The following GLRA2 variants were observed in gnomAD, a reference collection of about 807,000 sequenced individuals.
GLRA2 encodes the protein glycine receptor subunit alpha-2.
Under a neutral mutation model 31.6 loss-of-function variants are expected in GLRA2, and 11 were observed. The observed-to-expected ratio is 0.35, with a 90% confidence interval of 0.22 to 0.58. GLRA2 has a LOEUF of 0.58. GLRA2 is among the 20% of genes least tolerant of loss of function. GLRA2 has a pLI of 0.84. For missense variants in GLRA2, 212 were observed against 351.8 expected (o/e 0.60, Z 3.18); for synonymous variants, 132 against 134.0 (o/e 0.99, Z 0.10).
chrX:14,564,172 C>T (rs937221474), intron 2 of GLRA2, among the ~76,000 whole-genome samples: 6 of 110,854 alleles, frequency 5.4e-5, no homozygotes, highest in East Asian at 2.8e-4. Flanking sequence ...ATCAAACTGT[C>T]GAAAGCCAAA....
At chrX:14,487,021 C>A in the GLRA2 span, among the ~76,000 whole-genome samples, 1 of 110,138 alleles carries the variant, frequency 9.1e-6, no homozygotes. Flanking sequence ...GAGGTTTGGA[C>A]AGTAGTCTCT....
chrX:14,516,668 G>T, the GLRA2 span, among the ~76,000 whole-genome samples: 1 of 111,460 alleles, frequency 9.0e-6, no homozygotes, highest in African/African-American at 3.3e-5. Context: ...TGACTCCCAA[G>T]GCTAGGTCAT....
intron 7 of GLRA2, among the ~76,000 whole-genome samples, chrX:14,686,433 T>C (rs922377488): frequency 9.0e-6 from 1 of 111,306 alleles, no homozygotes; most frequent in Non-Finnish European, 1.9e-5. Flanking sequence ...CTCCCATTAT[T>C]ATTGTGTGGG....
intron 2 of GLRA2, among the ~76,000 whole-genome samples, chrX:14,545,988 C>A (rs1463034024): frequency 2.7e-5 from 3 of 111,436 alleles, no homozygotes; most frequent in Non-Finnish European, 5.7e-5. Flanking sequence ...GAAGCCCTGG[C>A]ACTGAAAATT....
intron 2 of GLRA2, among the ~76,000 whole-genome samples, chrX:14,557,357 C>G (rs1270630441): frequency 9.1e-6 from 1 of 110,106 alleles, no homozygotes; most frequent in East Asian, 2.8e-4. Context: ...CCTCGTGATC[C>G]GCCCGCCTCG....
chrX:14,554,749 A>G (rs936211142), intron 2 of GLRA2, among the ~76,000 whole-genome samples: 1 of 112,031 alleles, frequency 8.9e-6, no homozygotes, highest in Non-Finnish European at 1.9e-5. Flanking sequence ...AAGAACAGAC[A>G]CATCTATAGA....
the GLRA2 span, among the ~76,000 whole-genome samples, chrX:14,507,360 G>C: frequency 8.9e-6 from 1 of 111,953 alleles, no homozygotes; most frequent in Non-Finnish European, 1.9e-5. Context: ...AAGTGGGAAA[G>C]ATTTGCCACA....
chrX:14,505,125 G>A, the GLRA2 span, among the ~76,000 whole-genome samples: 1 of 112,244 alleles, frequency 8.9e-6, no homozygotes, highest in East Asian at 2.8e-4. Context: ...AAGTAAGCAG[G>A]TAGAATGTGT....
chrX:14,681,055 A>G (rs1011658446), intron 7 of GLRA2, among the ~76,000 whole-genome samples: 17 of 112,421 alleles, frequency 1.5e-4, no homozygotes, highest in African/African-American at 5.2e-4. Context: ...TTACAGGAAA[A>G]TAGTATAACT....
rs1299786121 is a variant in GLRA2, at chrX:14,648,347, A to T, written c.930+39142A>T. ...GGGTTTGATGAACTCTTCCTGGAAGAATCACATGGGAAATGATATTTGAAA... is the reference window on the plus strand; with the variant it reads ...GGGTTTGATGAACTCTTCCTGGAAGTATCACATGGGAAATGATATTTGAAA... On this transcript the variant is annotated intron_variant, in intron 7 of 8. Transcript: ENST00000218075. Among the ~76,000 whole-genome samples, 6 of 111,838 alleles carry T rather than the reference A, an allele frequency of 5.4e-5. No homozygotes were observed. The Admixed American group carries it at 5.7e-4, about 11-fold the overall frequency.
In GLRA2 at chrX:14,550,016, T is replaced by C. The variant is rs985792969; in HGVS notation, c.202+17644T>C. 2.7e-5 allele frequency among the ~76,000 whole-genome samples: 3 copies of C among 110,600 alleles called. No individual in the cohort carries two copies. The Admixed American group carries it at 2.9e-4, about 11-fold the overall frequency. On this transcript the variant is annotated intron_variant, in intron 2 of 8. Transcript: ENST00000218075. ...AGATGAGGAAAGCAACCACGACAAG[T>C]GCAGCAGGAATGTTGAGTAGAAAGA...
At chrX:14,526,232 A>G (rs758940733), upstream of GLRA2, among the ~76,000 whole-genome samples, 1 of 112,955 alleles carries the variant, frequency 8.9e-6, no homozygotes, top group South Asian at 3.6e-4. Flanking sequence ...ATATGGCTAC[A>G]GGGGAAGAAA....
At chrX:14,722,504 C>G (rs2091878403) in intron 8 of GLRA2, among the ~76,000 whole-genome samples, 1 of 111,390 alleles carries the variant, frequency 9.0e-6, no homozygotes, top group African/African-American at 3.3e-5. Flanking sequence ...GAGCAAGTCA[C>G]AAGCCCACTT....
chrX:14,651,779 T>G (rs2090892738), intron 7 of GLRA2, among the ~76,000 whole-genome samples: 1 of 111,830 alleles, frequency 8.9e-6, no homozygotes. Flanking sequence ...GCCATGTTAT[T>G]ATATCCAGAT....
chrX:14,479,838 A>T, the GLRA2 span, among the ~76,000 whole-genome samples: 3 of 111,374 alleles, frequency 2.7e-5, no homozygotes, highest in Non-Finnish European at 5.7e-5. Flanking sequence ...TGAACATGTG[A>T]GTACACATGT....
chrX:14,622,397 T>C (rs2090531453), intron 7 of GLRA2, among the ~76,000 whole-genome samples: 2 of 112,146 alleles, frequency 1.8e-5, no homozygotes, highest in African/African-American at 6.5e-5. Flanking sequence ...TTGGCTTTTG[T>C]TGCCATTGCT....
the GLRA2 span, among the ~76,000 whole-genome samples, chrX:14,503,754 G>A: frequency 4.5e-5 from 5 of 111,221 alleles, no homozygotes; most frequent in African/African-American, 6.5e-5. Flanking sequence ...TTTCCTCTGC[G>A]CATGAGAACC....
At chrX:14,695,274 T>C (rs189300060) in intron 8 of GLRA2, among the ~76,000 whole-genome samples, 2 of 111,280 alleles carry the variant, frequency 1.8e-5, no homozygotes, top group African/African-American at 6.5e-5. Context: ...TCACTTGCAA[T>C]TGCCTTTACT....
chrX:14,676,885 A>T (rs1248505701), intron 7 of GLRA2, among the ~76,000 whole-genome samples: 1 of 112,015 alleles, frequency 8.9e-6, no homozygotes, highest in Non-Finnish European at 1.9e-5. Flanking sequence ...ATGCCAAGAC[A>T]GTATTAAAAA....
Sources: allele counts gnomAD v4.1 joint callset (sites outside exome capture counted in the v4.1 genomes callset), GRCh38; gene constraint gnomAD v4.1.1; transcripts MANE v1.5; gene names NCBI Gene and HGNC (gene_info 2026-07-23, HGNC 2026-07-21).